Variants in KIFAP3 observed in about 807,000 individuals in gnomAD.
KIFAP3 encodes the protein kinesin-associated protein 3.
Under a neutral mutation model 106.5 loss-of-function variants are expected in KIFAP3, and 68 were observed. The ratio of observed to expected loss-of-function variants is 0.64; its 90% confidence interval spans 0.53 to 0.78. The LOEUF (loss-of-function observed/expected upper bound fraction) is 0.78, where lower values mean the gene tolerates loss of function less well. Ranked by LOEUF, KIFAP3 falls within the 30% of genes least tolerant of loss-of-function variation. The pLI, the probability that KIFAP3 is intolerant of heterozygous loss-of-function variation, is 0.00. For synonymous variants in KIFAP3, 320 were observed against 311.5 expected (o/e 1.03, Z -0.29); for missense variants, 780 against 941.8 (o/e 0.83, Z 2.25).
chr1:169,957,608 G>T (rs1665094788), intron 18 of KIFAP3, among the ~76,000 whole-genome samples: 1 of 151,764 alleles, frequency 6.6e-6, no homozygotes, highest in African/African-American at 2.4e-5. Flanking sequence ...TACTCTTACT[G>T]AAATACAGTT....
intron 16 of KIFAP3, among the ~76,000 whole-genome samples, chr1:169,973,105 G>GTGTGTATATATA (rs145406203): frequency 2.3e-4 from 21 of 90,310 alleles, no homozygotes; most frequent in African/African-American, 7.3e-4. Flanking sequence ...AAAATAGTGT[G>GTGTGTATATATA]TATATATATA....
chr1:170,034,514 T>TA lies in KIFAP3; in HGVS notation c.618-19dup. Reference sequence around the variant, plus strand: ...GAGAAAAGCTTTAAAGAAGACATTTTAATATATATTTAAAAGAATACATTT... The same window carrying TA: ...GAGAAAAGCTTTAAAGAAGACATTTTAAATATATATTTAAAAGAATACATTT... On this transcript the variant is annotated intron_variant, in intron 6 of 19. Transcript: ENST00000361580. 2.3e-6 allele frequency: 3 copies of TA among 1,310,136 alleles called. No homozygotes were observed. The highest frequency in any genetic ancestry group is 3.2e-6 in the Non-Finnish European group (3 of 951,346). 81.2% of individuals were successfully genotyped at this position (1,310,136 alleles called of 1,614,324 possible).
intron 10 of KIFAP3, among the ~76,000 whole-genome samples, chr1:170,002,982 C>T (rs979294145): frequency 1.3e-5 from 2 of 152,144 alleles, no homozygotes; most frequent in Admixed American, 1.3e-4. Flanking sequence ...GAACAGTTTA[C>T]TAACCTAGGA....
intron 3 of KIFAP3, among the ~76,000 whole-genome samples, chr1:170,044,631 T>C (rs1489501241): frequency 6.6e-6 from 1 of 152,064 alleles, no homozygotes; most frequent in South Asian, 2.1e-4. Flanking sequence ...CCCAGAAGAG[T>C]TCCACAATAA....
At chr1:170,050,115 A>G (rs1386923619) in intron 2 of KIFAP3, among the ~76,000 whole-genome samples, 1 of 152,164 alleles carries the variant, frequency 6.6e-6, no homozygotes, top group East Asian at 1.9e-4. Flanking sequence ...ACAGGAACTG[A>G]TAACTAGAAT....
chr1:169,938,872 T>A (rs1045819987), intron 19 of KIFAP3, among the ~76,000 whole-genome samples: 4 of 152,090 alleles, frequency 2.6e-5, no homozygotes, highest in African/African-American at 9.7e-5. Context: ...AGCACAAAGG[T>A]GACAAAGTGC....
At chr1:169,957,037 T>C (rs970056355) in intron 18 of KIFAP3, among the ~76,000 whole-genome samples, 2 of 152,236 alleles carry the variant, frequency 1.3e-5, no homozygotes, top group African/African-American at 2.4e-5. Flanking sequence ...AAAAATTCTG[T>C]TAAAGCCTCT....
chr1:170,031,646 A>T (rs995715023), intron 8 of KIFAP3, among the ~76,000 whole-genome samples: 3 of 151,814 alleles, frequency 2.0e-5, no homozygotes, highest in Non-Finnish European at 3.0e-5. Flanking sequence ...GGATTAAAAA[A>T]TCCTTTCTTA....
chr1:169,947,035 T>C (rs1664477566), intron 19 of KIFAP3, among the ~76,000 whole-genome samples: 1 of 151,982 alleles, frequency 6.6e-6, no homozygotes, highest in Non-Finnish European at 1.5e-5. Flanking sequence ...AAATGACCAC[T>C]GCATTATCTT....
At chr1:169,946,495 G>C (rs1664446561) in intron 19 of KIFAP3, among the ~76,000 whole-genome samples, 1 of 151,982 alleles carries the variant, frequency 6.6e-6, no homozygotes, top group Non-Finnish European at 1.5e-5. Context: ...TAATATATCT[G>C]CTTGTCATCT....
chr1:169,949,703 T>G (rs1664632777), intron 19 of KIFAP3, among the ~76,000 whole-genome samples: 1 of 152,124 alleles, frequency 6.6e-6, no homozygotes, highest in African/African-American at 2.4e-5. Flanking sequence ...CACTTTACTT[T>G]CTAACACCAG....
intron 19 of KIFAP3, among the ~76,000 whole-genome samples, chr1:169,927,651 T>C (rs1393010306): frequency 6.6e-6 from 1 of 152,134 alleles, no homozygotes; most frequent in Non-Finnish European, 1.5e-5. Flanking sequence ...TTACATGAAT[T>C]CATGAATGAA....
chr1:170,038,184 A>T, intron 5 of KIFAP3, 106 bp downstream of exon 5: 1 of 857,258 alleles, frequency 1.2e-6, no homozygotes, highest in Non-Finnish European at 1.7e-6. Context: ...AAGAAATCTG[A>T]GTAAGAAAGA....
intron 9 of KIFAP3, among the ~76,000 whole-genome samples, chr1:170,017,997 G>C (rs965783489): frequency 6.6e-6 from 1 of 152,214 alleles, no homozygotes; most frequent in Non-Finnish European, 1.5e-5. Flanking sequence ...CTTTAAGACA[G>C]GGATCAGCAA....
At chr1:169,975,258 TGA>T (rs1488733645) in intron 16 of KIFAP3, among the ~76,000 whole-genome samples, 1 of 152,104 alleles carries the variant, frequency 6.6e-6, no homozygotes, top group African/African-American at 2.4e-5. Context: ...GAGTCACAGT[TGA>T]GAGTCAGTTT....
chr1:170,032,074 T>C, intron 7 of KIFAP3, 90 bp from the exon 8 acceptor site: 1 of 710,434 alleles, frequency 1.4e-6, no homozygotes, highest in South Asian at 1.9e-5. Flanking sequence ...TTAAATTTTA[T>C]GTGCAACTTT....
At chr1:169,981,316 C>T (rs575358180) in intron 15 of KIFAP3, among the ~76,000 whole-genome samples, 2 of 152,220 alleles carry the variant, frequency 1.3e-5, no homozygotes, top group African/African-American at 4.8e-5. Context: ...CCACTCCATC[C>T]CATCCAAGAC....
At chr1:170,039,174 G>T in intron 4 of KIFAP3, 59 bp downstream of exon 4, 1 of 1,002,172 alleles carries the variant, frequency 1.0e-6, no homozygotes, top group Non-Finnish European at 1.5e-6. Context: ...ATTATTGATG[G>T]AAAAAGGCAA....
chr1:169,992,239 T>G lies in KIFAP3; in HGVS notation c.1200A>C (p.Lys400Asn). The G allele has an allele frequency of 6.4e-7, 1 of 1,570,740 alleles. No homozygotes were observed. Among genetic ancestry groups the G allele is most frequent in the African/African-American group, 1.4e-5 (1 of 72,818 alleles). ...GGTAAAGAACACACATTGCTATTTG[T>G]TTGTAGTTGTCATTGCCTAGGAATA... The part of the protein sequence containing the change: ...LTALLGNDNY[K>N]QIAMCVLYHI... Residue 400 changes from lysine (K) to asparagine (N), a missense_variant, in exon 11 of 20, where the codon AAA becomes AAC. Transcript: ENST00000361580.
Sources: allele counts gnomAD v4.1 joint callset (sites outside exome capture counted in the v4.1 genomes callset), GRCh38; gene constraint gnomAD v4.1.1; transcripts MANE v1.5; gene names NCBI Gene and HGNC (gene_info 2026-07-23, HGNC 2026-07-21).